Variants in ELAPOR2 observed in about 807,000 individuals in gnomAD.
ELAPOR2 encodes the protein endosome-lysosome associated apoptosis and autophagy regulator family member 2.
In ELAPOR2, 89 loss-of-function variants were observed where a neutral mutation model predicts 120.7. That is an observed-to-expected ratio of 0.74 (90% confidence interval 0.62 to 0.88). The LOEUF is 0.88. Ranked by LOEUF, ELAPOR2 falls within the 40% of genes least tolerant of loss-of-function variation. ELAPOR2 has a pLI of 0.00. For synonymous variants in ELAPOR2, 444 were observed against 444.9 expected, an observed-to-expected ratio of 1.00 and a Z score of 0.03; for missense variants, 1,134 against 1,251.6, an observed-to-expected ratio of 0.91 and a Z score of 1.42.
At chr7:86,998,852 T>G (rs543626082) in intron 1 of ELAPOR2, among the ~76,000 whole-genome samples, 11 of 55,260 alleles carry the variant, frequency 2.0e-4, no homozygotes, top group South Asian at 1.7e-3. Flanking sequence ...TAGTTCCTTG[T>G]TTTTTTTTTT....
rs754528960 is a variant in ELAPOR2, at chr7:86,908,544, C to T, written c.2360-1G>A. The T allele has an allele frequency of 7.1e-7, 1 of 1,409,212 alleles. No homozygotes were observed. The allele number at this position is 1,409,212 out of a possible 1,614,324, so 87.3% of individuals were successfully genotyped here. On this transcript the variant is annotated splice_acceptor_variant, in intron 16 of 21. Coordinates refer to ENST00000450689, the MANE Select transcript of ELAPOR2 (RefSeq NM_001142749.3). LOFTEE classifies it high-confidence loss of function. Reference sequence around the variant, plus strand: ...TTCAATGTGGTTTCAACTGTGACTCCTAGATGACATTTAAAAAGAAACTAT... The same window carrying T: ...TTCAATGTGGTTTCAACTGTGACTCTTAGATGACATTTAAAAAGAAACTAT...
chr7:86,950,095 T>C (rs1324413974), intron 2 of ELAPOR2, among the ~76,000 whole-genome samples: 1 of 152,210 alleles, frequency 6.6e-6, no homozygotes, highest in Non-Finnish European at 1.5e-5. Flanking sequence ...ATAAAAGCCC[T>C]GGACTCGGTT....
At chr7:86,918,290 T>A (rs1161205606) in intron 12 of ELAPOR2, 152 bp downstream of exon 12, 3 of 527,404 alleles carry the variant, frequency 5.7e-6, no homozygotes, top group Non-Finnish European at 1.0e-5. Context: ...TCTTCAGACA[T>A]TTGTTAATGT....
Position 86,878,122 on chromosome 7 carries a change from G to C in ELAPOR2, c.*2349C>G, listed in dbSNP as rs551112828. ...AAATAACTTCTTCTACCACTTAGGG[G>C]GGAAAAGGAACAAGTGTCAATCAAA... is the stretch of plus-strand genomic sequence containing the variant. On this transcript the variant is annotated 3_prime_UTR_variant, in exon 22 of 22. Coordinates refer to ENST00000450689, the MANE Select transcript of ELAPOR2 (RefSeq NM_001142749.3). 6.6e-6 allele frequency: 1 copy of C among 152,208 alleles called. No individual in the cohort carries two copies. The highest frequency in any genetic ancestry group is 2.4e-5 in the African/African-American group (1 of 41,526). The allele number at this position is 152,208 out of a possible 1,614,324, so 9.4% of individuals were successfully genotyped here.
intron 1 of ELAPOR2, among the ~76,000 whole-genome samples, chr7:86,969,032 C>T (rs1044208089): frequency 6.6e-6 from 1 of 152,128 alleles, no homozygotes; most frequent in East Asian, 1.9e-4. Context: ...CATGGAATTA[C>T]TCCTCATCAC....
intron 1 of ELAPOR2, among the ~76,000 whole-genome samples, chr7:86,973,149 T>C (rs1157024737): frequency 6.6e-6 from 1 of 152,170 alleles, no homozygotes; most frequent in African/African-American, 2.4e-5. Context: ...CAGCCAGTTC[T>C]AAATGGAAGA....
intron 9 of ELAPOR2, 22 bp downstream of exon 9, chr7:86,926,714 A>G: frequency 6.3e-7 from 1 of 1,588,066 alleles, no homozygotes; most frequent in South Asian, 1.2e-5. Context: ...AGGCCCAGTT[A>G]TTGGACCAAT....
At chr7:86,899,247 A>G (rs1159526661) in intron 18 of ELAPOR2, among the ~76,000 whole-genome samples, 1 of 152,162 alleles carries the variant, frequency 6.6e-6, no homozygotes, top group African/African-American at 2.4e-5. Flanking sequence ...TGGTGTACAG[A>G]ATCCTTACTG....
At chr7:87,027,944 CAAATT>C (rs1278347441) in intron 1 of ELAPOR2, among the ~76,000 whole-genome samples, 2 of 152,054 alleles carry the variant, frequency 1.3e-5, no homozygotes, top group African/African-American at 2.4e-5. Context: ...CAAAATGTCT[CAAATT>C]AAAAGACTGA....
chr7:86,941,012 T>C (rs1790775797), intron 5 of ELAPOR2, among the ~76,000 whole-genome samples: 1 of 152,118 alleles, frequency 6.6e-6, no homozygotes, highest in African/African-American at 2.4e-5. Flanking sequence ...AATATTATTC[T>C]CAGGTATACA....
chr7:87,014,878 T>C (rs373681162), intron 1 of ELAPOR2, among the ~76,000 whole-genome samples: 4 of 152,258 alleles, frequency 2.6e-5, no homozygotes, highest in South Asian at 4.1e-4. Context: ...TTTATTATTA[T>C]GATTGTTATG....
chr7:86,932,363 G>T (rs1352349024), intron 8 of ELAPOR2, among the ~76,000 whole-genome samples: 1 of 151,914 alleles, frequency 6.6e-6, no homozygotes, highest in East Asian at 1.9e-4. Context: ...GTTTTACATT[G>T]GTTTGAGTCA....
chr7:87,059,407 C>G lies in ELAPOR2; in HGVS notation c.107G>C (p.Cys36Ser). ...CGCCTGGCAGCCGGCGAGCGCCCAG[C>G]AGCAAATCCAGGCGGGGCTCCAGGG... ...SPPWSPAWIC[C>S]WALAGCQAAW... Residue 36 changes from cysteine (C) to serine (S), a missense_variant, in exon 1 of 22, where the codon TGC (cysteine) becomes TCC (serine). Physicochemically the swap from Cys to Ser is moderately radical, Grantham distance 112 (BLOSUM62 -1). Transcript: ENST00000450689. The G allele has an allele frequency of 1.6e-6, 2 of 1,240,982 alleles. No homozygotes were observed. The highest frequency in any genetic ancestry group is 2.0e-6 in the Non-Finnish European group (2 of 987,248). 76.9% of individuals were successfully genotyped at this position (1,240,982 alleles called of 1,614,324 possible).
At chr7:87,037,192 A>C (rs569171547) in intron 1 of ELAPOR2, among the ~76,000 whole-genome samples, 9 of 152,110 alleles carry the variant, frequency 5.9e-5, no homozygotes, top group African/African-American at 2.2e-4. Flanking sequence ...CCTCATCAAC[A>C]TCAATGGCTT....
At chr7:86,936,697 TA>T (rs1790574764) in intron 8 of ELAPOR2, among the ~76,000 whole-genome samples, 1 of 152,052 alleles carries the variant, frequency 6.6e-6, no homozygotes, top group African/African-American at 2.4e-5. Flanking sequence ...CCCATATACA[TA>T]TATGTGTCTA....
chr7:86,916,371 A>G (rs1186830906), intron 12 of ELAPOR2, among the ~76,000 whole-genome samples: 4 of 152,208 alleles, frequency 2.6e-5, no homozygotes, highest in Non-Finnish European at 5.9e-5. Flanking sequence ...AAAACAGCAA[A>G]AGGAAAAATG....
At chr7:86,904,155 C>T (rs1788857597) in intron 18 of ELAPOR2, among the ~76,000 whole-genome samples, 1 of 152,180 alleles carries the variant, frequency 6.6e-6, no homozygotes, top group Non-Finnish European at 1.5e-5. Flanking sequence ...ACTCAAGGAT[C>T]TTGTGGATGC....
chr7:87,049,305 C>G (rs1167019048), intron 1 of ELAPOR2, among the ~76,000 whole-genome samples: 1 of 151,396 alleles, frequency 6.6e-6, no homozygotes, highest in African/African-American at 2.4e-5. Context: ...TTTTTGAGAC[C>G]GAGCCTCGCT....
At chr7:87,025,412 C>A (rs1045163311) in intron 1 of ELAPOR2, among the ~76,000 whole-genome samples, 1 of 152,058 alleles carries the variant, frequency 6.6e-6, no homozygotes, top group Non-Finnish European at 1.5e-5. Context: ...AAATGTCAAG[C>A]TTGGAAAGGA....
Sources: allele counts gnomAD v4.1 joint callset (sites outside exome capture counted in the v4.1 genomes callset), GRCh38; gene constraint gnomAD v4.1.1; transcripts MANE v1.5; gene names NCBI Gene and HGNC (gene_info 2026-07-23, HGNC 2026-07-21).